Variants in AFF1 observed in about 807,000 individuals in gnomAD.
AFF1 encodes the protein AF4/FMR2 family member 1.
A neutral mutation model predicts 121.7 loss-of-function variants in AFF1; 48 were observed. The observed-to-expected ratio is 0.39, with a 90% CI of 0.31 to 0.50. The LOEUF (loss-of-function observed/expected upper bound fraction) is 0.50. AFF1 is among the 20% of genes least tolerant of loss of function. The pLI is 0.76. For missense variants in AFF1, 1,523 were observed against 1,511.7 expected (o/e 1.01, Z -0.12); for synonymous variants, 613 against 563.0 (o/e 1.09, Z -1.26).
chr4:87,008,082 A>G (rs536847543), intron 2 of AFF1, among the ~76,000 whole-genome samples: 1 of 152,332 alleles, frequency 6.6e-6, no homozygotes, highest in South Asian at 2.1e-4. Flanking sequence ...TGAGCGTTGA[A>G]GAAGAGTGAT....
rs1729521039 is a variant in AFF1 at position 87,139,067 on chromosome 4, CAAG to C, written c.*3372_*3374del. The C allele has an allele frequency of 4.4e-6, 1 of 225,920 alleles. No individual in the cohort carries two copies. Among genetic ancestry groups the C allele is most frequent in the Non-Finnish European group, 8.8e-6 (1 of 113,534 alleles). The allele number at this position is 225,920 out of a possible 1,614,324, so 14.0% of individuals were successfully genotyped here. On this transcript the variant is annotated 3_prime_UTR_variant, in exon 21 of 21. Transcript: ENST00000395146. ...ATTCATCTTCAGTAATTTTTAGAAG[CAAG>C]AAGAAAGCCATTGTGTCCTCTACAA...
chr4:86,987,598 C>G (rs796344850), intron 2 of AFF1, among the ~76,000 whole-genome samples: 3 of 152,246 alleles, frequency 2.0e-5, no homozygotes, highest in African/African-American at 7.2e-5. Context: ...CAATAACCAC[C>G]AGAGAGTAGT....
At chr4:87,001,234 T>G (rs1725694482) in intron 2 of AFF1, among the ~76,000 whole-genome samples, 1 of 141,966 alleles carries the variant, frequency 7.0e-6, no homozygotes, top group Non-Finnish European at 1.5e-5. Flanking sequence ...TTTTTTTTTT[T>G]GGTGACGGCG....
At chr4:86,977,001 G>A (rs1318715369) in intron 2 of AFF1, among the ~76,000 whole-genome samples, 1 of 152,208 alleles carries the variant, frequency 6.6e-6, no homozygotes, top group African/African-American at 2.4e-5. Context: ...ATAAATGCAG[G>A]TGATGGTGCC....
At chr4:87,084,550 C>CAATAAATAAATAAATAAATA (rs58068934) in intron 5 of AFF1, among the ~76,000 whole-genome samples, 4 of 136,932 alleles carry the variant, frequency 2.9e-5, no homozygotes, top group Non-Finnish European at 4.7e-5. Context: ...ACTATGTCTC[C>CAATAAATAAATAAATAAATA]AATAAATAAA....
At chr4:87,031,289 T>C (rs1729058698) in intron 2 of AFF1, among the ~76,000 whole-genome samples, 3 of 152,312 alleles carry the variant, frequency 2.0e-5, no homozygotes, top group African/African-American at 4.8e-5. Context: ...CTTTCTCTCT[T>C]GGAAACTTCT....
At position 86,962,140 on chromosome 4, in the gene AFF1, T is replaced by C. The variant is rs74486245; in HGVS notation, c.38+13569T>C. Among the ~76,000 whole-genome samples, 765 of 127,532 alleles carry C rather than the reference T, an allele frequency of 6.0e-3. 23 individuals carry two copies. In the East Asian group the frequency reaches 0.12, roughly 19 times the overall value. The allele number at this position is 127,532 out of a possible 152,430, so 83.7% of individuals were successfully genotyped here. ...ATAGCAGGATATTTGGAAAAGTTAT[T>C]GTTTCTTTTTTTTTTTTTTTTTTTT... On this transcript the variant is annotated intron_variant, in intron 2 of 20. Coordinates refer to ENST00000395146, the MANE Select transcript of AFF1 (RefSeq NM_001166693.3).
At chr4:86,952,170 CTATT>C in intron 2 of AFF1, among the ~76,000 whole-genome samples, 1 of 152,178 alleles carries the variant, frequency 6.6e-6, no homozygotes, top group South Asian at 2.1e-4. Context: ...ATTTTCATAG[CTATT>C]CATTCTCATG....
intron 2 of AFF1, among the ~76,000 whole-genome samples, chr4:87,043,720 G>T (rs1730384963): frequency 6.6e-6 from 1 of 152,138 alleles, no homozygotes; most frequent in South Asian, 2.1e-4. Context: ...TATTAACTTT[G>T]TGGTTTTAAG....
At chr4:87,079,041 G>A (rs1408669452) in intron 4 of AFF1, among the ~76,000 whole-genome samples, 1 of 152,128 alleles carries the variant, frequency 6.6e-6, no homozygotes, top group Non-Finnish European at 1.5e-5. Flanking sequence ...GTCCCAAAGA[G>A]GATGAATCTT....
intron 4 of AFF1, among the ~76,000 whole-genome samples, chr4:87,056,273 T>G (rs1380463710): frequency 6.6e-6 from 1 of 152,196 alleles, no homozygotes; most frequent in Non-Finnish European, 1.5e-5. Flanking sequence ...AATTTACAAA[T>G]AATAGAACTC....
rs375587487 is a variant in AFF1, at chr4:87,034,852, C to T, written c.39-11314C>T. ...AGATAATAAATAGACTGGCAGAATT[C>T]AGCAGAATTCTGAATCATTGGAAAT... On this transcript the variant is annotated intron_variant, in intron 2 of 20. Coordinates refer to ENST00000395146, the MANE Select transcript of AFF1 (RefSeq NM_001166693.3). Among the ~76,000 whole-genome samples, 15 of 140,248 alleles carry T rather than the reference C, an allele frequency of 1.1e-4. 1 individual carries two copies. The East Asian group carries it at 2.5e-3, about 23-fold the overall frequency. 92.0% of individuals were successfully genotyped at this position (140,248 alleles called of 152,430 possible). A position where few individuals can be genotyped will look rare whatever the true frequency, so the allele number is the denominator to read the frequency against.
chr4:86,944,688 G>A (rs1339409100), intron 1 of AFF1, among the ~76,000 whole-genome samples: 1 of 152,118 alleles, frequency 6.6e-6, no homozygotes, highest in Non-Finnish European at 1.5e-5. Flanking sequence ...CCAGCATGTG[G>A]TAAAGACTCT....
At chr4:87,094,526 C>T (rs903335602) in intron 7 of AFF1, among the ~76,000 whole-genome samples, 2 of 152,110 alleles carry the variant, frequency 1.3e-5, no homozygotes, top group South Asian at 2.1e-4. Flanking sequence ...ACAGAGCTGT[C>T]TAAAGAGAGT....
At chr4:87,095,793 T>C (rs1022912715) in intron 8 of AFF1, among the ~76,000 whole-genome samples, 10 of 146,078 alleles carry the variant, frequency 6.8e-5, no homozygotes, top group African/African-American at 2.5e-4. Flanking sequence ...TTCTTGATGG[T>C]ATTGAACTCT....
chr4:87,045,263 C>G (rs1020765385), intron 2 of AFF1, among the ~76,000 whole-genome samples: 8 of 152,128 alleles, frequency 5.3e-5, no homozygotes, highest in African/African-American at 1.9e-4. Context: ...AGTAGATTCC[C>G]TAGGAGCAAG....
chr4:86,943,978 AAT>A (rs1170602137), intron 1 of AFF1, among the ~76,000 whole-genome samples: 3 of 150,018 alleles, frequency 2.0e-5, no homozygotes, highest in African/African-American at 7.3e-5. Context: ...AAAAAACAAT[AAT>A]AACATAAAAT....
Position 87,127,177 on chromosome 4 carries a change from C to CG in AFF1, c.2903+60_2903+61insG, listed in dbSNP as rs1560657671. 388 of 1,299,250 alleles carry CG rather than the reference C, an allele frequency of 3.0e-4. 14 individuals are homozygous for CG. In the African/African-American group the frequency reaches 5.9e-3, roughly 20 times the overall value. 80.5% of individuals were successfully genotyped at this position (1,299,250 alleles called of 1,614,324 possible). A position where few individuals can be genotyped will look rare whatever the true frequency, so the allele number is the denominator to read the frequency against. ...TGTTTTGTTTTGCTTCCCCCCCCCA[C>CG]CAAGATAGAGTCTCACTCTGTCACC... On this transcript the variant is annotated intron_variant, in intron 15 of 20. Coordinates refer to ENST00000395146, the MANE Select transcript of AFF1 (RefSeq NM_001166693.3).
intron 2 of AFF1, among the ~76,000 whole-genome samples, chr4:86,997,100 C>T (rs909329078): frequency 1.3e-4 from 20 of 152,224 alleles, no homozygotes; most frequent in African/African-American, 4.6e-4. Flanking sequence ...TTGGTAGAGA[C>T]GGGGTTTCAC....
Sources: allele counts gnomAD v4.1 joint callset (sites outside exome capture counted in the v4.1 genomes callset), GRCh38; gene constraint gnomAD v4.1.1; transcripts MANE v1.5; gene names NCBI Gene and HGNC (gene_info 2026-07-23, HGNC 2026-07-21).